Variants in PPM1L observed in about 807,000 individuals in gnomAD.
The protein encoded by PPM1L is protein phosphatase, Mg2+/Mn2+ dependent 1L.
Under a neutral mutation model 31.4 loss-of-function variants are expected in PPM1L, and 13 were observed. The ratio of observed to expected loss-of-function variants is 0.41; its 90% CI spans 0.27 to 0.66. PPM1L has a LOEUF of 0.66. PPM1L is among the 30% of genes least tolerant of loss of function. PPM1L has a pLI of 0.29. For synonymous variants in PPM1L, 184 were observed against 175.4 expected, an observed-to-expected ratio of 1.05 and a Z score of -0.39; for missense variants, 326 against 453.7, an observed-to-expected ratio of 0.72 and a Z score of 2.56.
chr3:160,778,342 T>A (rs1446993594), intron 1 of PPM1L, among the ~76,000 whole-genome samples: 2 of 152,200 alleles, frequency 1.3e-5, no homozygotes, highest in Non-Finnish European at 2.9e-5. Context: ...TTTTTATAAC[T>A]TTTTATATTG....
At chr3:160,854,650 G>A (rs1711624359) in intron 1 of PPM1L, among the ~76,000 whole-genome samples, 1 of 151,662 alleles carries the variant, frequency 6.6e-6, no homozygotes, top group Admixed American at 6.6e-5. Context: ...GAATACGGCA[G>A]ATCAGGGAGG....
chr3:161,016,539 C>T (rs1328044934), intron 2 of PPM1L, among the ~76,000 whole-genome samples: 2 of 152,166 alleles, frequency 1.3e-5, no homozygotes, highest in African/African-American at 4.8e-5. Flanking sequence ...ATTTCACACG[C>T]TCACAGGACA....
At chr3:160,938,235 G>T (rs1715043655) in intron 1 of PPM1L, among the ~76,000 whole-genome samples, 1 of 152,120 alleles carries the variant, frequency 6.6e-6, no homozygotes, top group South Asian at 2.1e-4. Context: ...TTTCTTAGCT[G>T]GTTCTGTTAA....
At chr3:160,931,400 AT>A (rs1714781313) in intron 1 of PPM1L, among the ~76,000 whole-genome samples, 1 of 152,228 alleles carries the variant, frequency 6.6e-6, no homozygotes, top group Non-Finnish European at 1.5e-5. Flanking sequence ...TCATTTATCC[AT>A]TTAGTTCATT....
At chr3:160,864,045 A>G (rs1711998619) in intron 1 of PPM1L, among the ~76,000 whole-genome samples, 1 of 152,224 alleles carries the variant, frequency 6.6e-6, no homozygotes, top group African/African-American at 2.4e-5. Context: ...ATCTACTTCC[A>G]TTACTCAGAA....
Position 160,770,907 on chromosome 3 carries a change from A to T in PPM1L, c.399+14200A>T, listed in dbSNP as rs182624788. Among the ~76,000 whole-genome samples the T allele has an allele frequency of 1.1e-3, 162 of 152,270 alleles. 2 individuals carry two copies. Among genetic ancestry groups the T allele is most frequent in the African/African-American group, 2.8e-3 (116 of 41,554 alleles). ...GTGGCTGCTTGCGGAGGAGTCTCAT[A>T]CTGAGTGAGGTTAGGTCCTGAGTTG... On this transcript the variant is annotated intron_variant, in intron 1 of 3. Coordinates refer to ENST00000498165, the MANE Select transcript of PPM1L (RefSeq NM_139245.4).
chr3:160,970,983 G>A (rs1483069484), intron 2 of PPM1L, among the ~76,000 whole-genome samples: 3 of 151,842 alleles, frequency 2.0e-5, no homozygotes, highest in Non-Finnish European at 2.9e-5. Flanking sequence ...GTAGAGACGG[G>A]GTTTCACCCT....
chr3:160,992,986 C>T (rs1717184675), intron 2 of PPM1L, among the ~76,000 whole-genome samples: 2 of 152,038 alleles, frequency 1.3e-5, no homozygotes, highest in South Asian at 4.1e-4. Flanking sequence ...AACCTGACTA[C>T]TACTATTTTT....
At chr3:160,782,244 A>G (rs1233380259) in intron 1 of PPM1L, among the ~76,000 whole-genome samples, 1 of 152,008 alleles carries the variant, frequency 6.6e-6, no homozygotes, top group African/African-American at 2.4e-5. Flanking sequence ...GTGTCATGAC[A>G]GTTGTTTGAC....
At chr3:160,919,449 C>G (rs73875428) in intron 1 of PPM1L, among the ~76,000 whole-genome samples, 6,925 of 152,114 alleles carry the variant, frequency 0.046, 484 homozygotes, top group African/African-American at 0.15. Context: ...AACCAATGGG[C>G]ATTATAGGCA....
At chr3:160,879,496 C>T (rs902882817) in intron 1 of PPM1L, among the ~76,000 whole-genome samples, 14 of 151,962 alleles carry the variant, frequency 9.2e-5, no homozygotes, top group African/African-American at 2.4e-5. Flanking sequence ...TTCTTTTTAG[C>T]GCTGCATGAG....
Position 160,934,887 on chromosome 3 carries a change from G to T in PPM1L, c.400-26849G>T, listed in dbSNP as rs766544950. 8.5e-4 allele frequency among the ~76,000 whole-genome samples: 129 copies of T among 151,938 alleles called. 1 individual carries two copies. The highest frequency in any genetic ancestry group is 4.1e-4 in the South Asian group (2 of 4,820). ...AGGACCACTTGAGTCCAGGGGGGTT[G>T]CAGTGAGCTGAGATTGTGCCATCAC... On this transcript the variant is annotated intron_variant, in intron 1 of 3. Transcript: ENST00000498165.
At chr3:160,927,422 TA>T (rs956514056) in intron 1 of PPM1L, among the ~76,000 whole-genome samples, 6 of 151,720 alleles carry the variant, frequency 4.0e-5, no homozygotes, top group South Asian at 4.2e-4. Context: ...ATTTAAGGTC[TA>T]AAAAAAAACC....
intron 2 of PPM1L, among the ~76,000 whole-genome samples, chr3:160,971,873 C>G (rs985131961): frequency 2.0e-5 from 3 of 152,256 alleles, no homozygotes; most frequent in Non-Finnish European, 4.4e-5. Context: ...AAGGGACTCT[C>G]CAGCCTCAGC....
intron 2 of PPM1L, among the ~76,000 whole-genome samples, chr3:161,032,697 T>C (rs1262052732): frequency 2.6e-5 from 4 of 151,000 alleles, no homozygotes; most frequent in Admixed American, 1.3e-4. Flanking sequence ...AAGTCCTTTT[T>C]TTTTTTTTTT....
rs184752787 is a variant in PPM1L at position 160,818,983 on chromosome 3, A to G, written c.399+62276A>G. 1.1e-3 allele frequency among the ~76,000 whole-genome samples: 162 copies of G among 151,964 alleles called. 2 individuals are homozygous for G. Among genetic ancestry groups the G allele is most frequent in the African/African-American group, 2.8e-3 (116 of 41,480 alleles). On this transcript the variant is annotated intron_variant, in intron 1 of 3. Coordinates refer to ENST00000498165, the MANE Select transcript of PPM1L (RefSeq NM_139245.4). ...GAGCTGCCAGAAGTCTTGCCTTGAT[A>G]TTTACTATTTGGTATTTGGTCAAAA...
intron 1 of PPM1L, among the ~76,000 whole-genome samples, chr3:160,904,677 C>A (rs1013342237): frequency 4.0e-5 from 6 of 149,360 alleles, no homozygotes; most frequent in African/African-American, 1.5e-4. Flanking sequence ...CTATCATGTT[C>A]AATTGCAGTG....
At chr3:161,026,472 G>C (rs1718393585) in intron 2 of PPM1L, among the ~76,000 whole-genome samples, 1 of 152,128 alleles carries the variant, frequency 6.6e-6, no homozygotes, top group Non-Finnish European at 1.5e-5. Context: ...GAGGCAGGAG[G>C]ATCACCTGAG....
intron 1 of PPM1L, among the ~76,000 whole-genome samples, chr3:160,820,847 G>A (rs1325793605): frequency 6.6e-6 from 1 of 151,982 alleles, no homozygotes; most frequent in African/African-American, 2.4e-5. Flanking sequence ...ATGTTCCTAT[G>A]AATGTTTCTG....
Sources: allele counts gnomAD v4.1 joint callset (sites outside exome capture counted in the v4.1 genomes callset), GRCh38; gene constraint gnomAD v4.1.1; transcripts MANE v1.5; gene names NCBI Gene and HGNC (gene_info 2026-07-23, HGNC 2026-07-21).